Variants in ANKRD44 observed in about 807,000 individuals in gnomAD.
ANKRD44 encodes ankyrin repeat domain 44.
ANKRD44 carries 35 observed loss-of-function variants against 116.0 expected under a neutral mutation model. That is an observed-to-expected ratio of 0.30 (90% CI 0.23 to 0.40). The LOEUF (loss-of-function observed/expected upper bound fraction) is 0.40. Among genes scored for constraint, ANKRD44 ranks in the 10% least tolerant of loss-of-function variants. The pLI is 1.00. For missense variants in ANKRD44, 1,014 were observed against 1,242.6 expected (o/e 0.82, Z 2.77); for synonymous variants, 435 against 461.8 (o/e 0.94, Z 0.74).
chr2:197,089,024 A>AT (rs1180993829), intron 11 of ANKRD44: 4 of 380,736 alleles, frequency 1.1e-5, no homozygotes, highest in Non-Finnish European at 1.4e-5. Flanking sequence ...CCACAGTCCC[A>AT]TTTTTTAATC....
intron 3 of ANKRD44, among the ~76,000 whole-genome samples, chr2:197,145,866 C>T (rs1036147834): frequency 2.0e-5 from 3 of 152,144 alleles, no homozygotes; most frequent in Admixed American, 2.0e-4. Flanking sequence ...TACTATAGGC[C>T]TTTTGACTAG....
chr2:197,271,560 C>A (rs776168522), intron 1 of ANKRD44, among the ~76,000 whole-genome samples: 37 of 152,216 alleles, frequency 2.4e-4, no homozygotes, highest in Admixed American at 3.9e-4. Context: ...ATTCTCTGTT[C>A]TATTTTTTAA....
chr2:197,231,868 A>G (rs533822895), intron 1 of ANKRD44, among the ~76,000 whole-genome samples: 36 of 152,214 alleles, frequency 2.4e-4, no homozygotes, highest in Admixed American at 9.2e-4. Flanking sequence ...TCACATGGTC[A>G]TTGAATAGTT....
At chr2:197,053,537 G>A (rs2077150399) in intron 16 of ANKRD44, among the ~76,000 whole-genome samples, 1 of 152,154 alleles carries the variant, frequency 6.6e-6, no homozygotes, top group Admixed American at 6.5e-5. Flanking sequence ...AGGTTGGAGT[G>A]CAATGGTATG....
intron 25 of ANKRD44, 29 bp from the exon 26 acceptor site, chr2:196,995,490 G>T: frequency 1.3e-6 from 2 of 1,485,558 alleles, no homozygotes; most frequent in Non-Finnish European, 9.3e-7. Flanking sequence ...GATAAGAAAT[G>T]CAAGATAGAG....
intron 2 of ANKRD44, among the ~76,000 whole-genome samples, chr2:197,183,710 G>A (rs1215907864): frequency 6.6e-6 from 1 of 152,004 alleles, no homozygotes; most frequent in African/African-American, 2.4e-5. Context: ...AGAACAAAAG[G>A]GCCTGTGGAT....
At chr2:197,050,747 C>T (rs1175819641) in intron 16 of ANKRD44, among the ~76,000 whole-genome samples, 2 of 152,044 alleles carry the variant, frequency 1.3e-5, no homozygotes, top group Non-Finnish European at 2.9e-5. Flanking sequence ...TCTTTTATTG[C>T]AATCAAAACT....
At chr2:197,278,178 T>C (rs545342807) in intron 1 of ANKRD44, among the ~76,000 whole-genome samples, 2 of 152,132 alleles carry the variant, frequency 1.3e-5, no homozygotes, top group Non-Finnish European at 2.9e-5. Flanking sequence ...AGAAAGGCAA[T>C]TGGCTGGTGC....
At chr2:197,158,262 A>C (rs902942544) in intron 2 of ANKRD44, among the ~76,000 whole-genome samples, 1 of 152,182 alleles carries the variant, frequency 6.6e-6, no homozygotes, top group African/African-American at 2.4e-5. Context: ...AAGCATATTA[A>C]GAAGGAGTGT....
chr2:197,287,933 C>T (rs4850424), intron 1 of ANKRD44, among the ~76,000 whole-genome samples: 99,911 of 149,978 alleles, frequency 0.67, 33,811 homozygotes, highest in African/African-American at 0.76. Flanking sequence ...GGCCAGAGAA[C>T]CACTTGAACC....
intron 1 of ANKRD44, among the ~76,000 whole-genome samples, chr2:197,268,541 A>G (rs2082800743): frequency 6.6e-6 from 1 of 152,216 alleles, no homozygotes; most frequent in Non-Finnish European, 1.5e-5. Context: ...TAGGTGAGGA[A>G]ATTAAAATCC....
At chr2:197,197,401 C>A (rs937701462) in intron 1 of ANKRD44, among the ~76,000 whole-genome samples, 1 of 152,234 alleles carries the variant, frequency 6.6e-6, no homozygotes, top group African/African-American at 2.4e-5. Flanking sequence ...ACACTACCCC[C>A]TCCAACAGGG....
intron 1 of ANKRD44, among the ~76,000 whole-genome samples, chr2:197,269,321 G>C (rs995087694): frequency 3.7e-4 from 56 of 152,138 alleles, no homozygotes; most frequent in South Asian, 8.3e-4. Flanking sequence ...TCTCCTAATG[G>C]AGATCCACTA....
downstream of ANKRD44, among the ~76,000 whole-genome samples, chr2:196,982,882 A>G (rs1433309080): frequency 1.3e-5 from 2 of 152,238 alleles, no homozygotes; most frequent in Non-Finnish European, 2.9e-5. Flanking sequence ...TTACAGGGAC[A>G]TGGATGAAGC....
At chr2:197,272,799 C>G (rs1246685564) in intron 1 of ANKRD44, among the ~76,000 whole-genome samples, 3 of 152,136 alleles carry the variant, frequency 2.0e-5, no homozygotes, top group Non-Finnish European at 2.9e-5. Context: ...AGCGCCTTGA[C>G]AGCAGCCTCC....
At chr2:197,007,674 T>C in intron 20 of ANKRD44, 132 bp downstream of exon 20, 1 of 666,648 alleles carries the variant, frequency 1.5e-6, no homozygotes, top group Non-Finnish European at 2.6e-6. Context: ...TTGGTTGTAT[T>C]AGGAAACAAT....
chr2:197,304,712 C>A (rs1337518023), intron 1 of ANKRD44, among the ~76,000 whole-genome samples: 3 of 152,186 alleles, frequency 2.0e-5, no homozygotes, highest in Non-Finnish European at 4.4e-5. Flanking sequence ...TGTCACTTCT[C>A]CCTTCCCGTG....
intron 1 of ANKRD44, among the ~76,000 whole-genome samples, chr2:197,249,933 C>A (rs753479913): frequency 6.6e-6 from 1 of 152,190 alleles, no homozygotes; most frequent in Non-Finnish European, 1.5e-5. Flanking sequence ...AAATCATAAT[C>A]TACTCATGAA....
chr2:197,256,197 G>T (rs947581278), intron 1 of ANKRD44, among the ~76,000 whole-genome samples: 1 of 152,190 alleles, frequency 6.6e-6, no homozygotes, highest in African/African-American at 2.4e-5. Context: ...AAAAGGGAAA[G>T]ATTTCAGATA....
Sources: allele counts gnomAD v4.1 joint callset (sites outside exome capture counted in the v4.1 genomes callset), GRCh38; gene constraint gnomAD v4.1.1; transcripts MANE v1.5; gene names NCBI Gene and HGNC (gene_info 2026-07-23, HGNC 2026-07-21).